SCARB1: variants seen among roughly 807,000 people sequenced by gnomAD.
SCARB1 encodes the protein CD36 and LIMPII analogous 1.
SCARB1 carries 30 observed loss-of-function variants against 57.2 expected under a neutral mutation model. That is an observed-to-expected ratio of 0.52 (90% confidence interval 0.39 to 0.71). The LOEUF (loss-of-function observed/expected upper bound fraction) is 0.71. SCARB1 is among the 30% of genes least tolerant of loss of function. The pLI, the probability that SCARB1 is intolerant of heterozygous loss-of-function variation, is 0.00. For synonymous variants in SCARB1, 249 were observed against 268.3 expected (o/e 0.93, Z 0.70); for missense variants, 543 against 671.2 (o/e 0.81, Z 2.11).
rs934408660 is a variant in SCARB1, at chr12:124,796,056, C to T, written c.1129-788G>A. On this transcript the variant is annotated intron_variant, in intron 8 of 12. Transcript: ENST00000261693. The surrounding 1 kb of genome is among the most constrained non-coding windows in gnomAD (Gnocchi z 4.0). ...GCAACCTCTGCCTCCTGAGTTCAAG[C>T]GATTGTCCTGCCTCAGCCTCCCCAG... 1.3e-5 allele frequency among the ~76,000 whole-genome samples: 2 copies of T among 152,206 alleles called. No individual in the cohort carries two copies. The highest frequency in any genetic ancestry group is 2.1e-4 in the South Asian group (1 of 4,832).
At chr12:124,799,264 C>T (rs1594227753) in intron 8 of SCARB1, among the ~76,000 whole-genome samples, 1 of 152,206 alleles carries the variant, frequency 6.6e-6, no homozygotes, top group East Asian at 1.9e-4. Context: ...GCGGTTCATG[C>T]CTGTAATCCC....
At chr12:124,831,329 G>A (rs982323041) in intron 1 of SCARB1, among the ~76,000 whole-genome samples, 5 of 151,800 alleles carry the variant, frequency 3.3e-5, no homozygotes, top group Non-Finnish European at 7.4e-5. Context: ...CGGCCAGGCT[G>A]AGGTCTCCAA....
At chr12:124,863,482 G>A (rs1049265893) in intron 1 of SCARB1, 113 bp downstream of exon 1, 22 of 1,157,362 alleles carry the variant, frequency 1.9e-5, no homozygotes, top group Non-Finnish European at 2.5e-5. Context: ...CGCCAGGCCC[G>A]GGCGCCGATT....
chr12:124,846,980 A>T (rs959146079), intron 1 of SCARB1, among the ~76,000 whole-genome samples: 1 of 152,140 alleles, frequency 6.6e-6, no homozygotes, highest in Non-Finnish European at 1.5e-5. Context: ...GTGTTTAGGG[A>T]TGGCTATGAG....
intron 1 of SCARB1, among the ~76,000 whole-genome samples, chr12:124,848,484 C>T (rs543109013): frequency 2.6e-5 from 4 of 151,450 alleles, no homozygotes; most frequent in South Asian, 2.1e-4. Context: ...TCCTCGTGGC[C>T]TTCTTGAGTG....
At chr12:124,831,606 G>A (rs58431576) in intron 1 of SCARB1, among the ~76,000 whole-genome samples, 13,404 of 152,004 alleles carry the variant, frequency 0.088, 1,983 homozygotes, top group African/African-American at 0.3. Context: ...CTGGAGAGAC[G>A]TGAGAGGTCT....
At chr12:124,841,244 C>T (rs12424748) in intron 1 of SCARB1, among the ~76,000 whole-genome samples, 9,249 of 152,076 alleles carry the variant, frequency 0.061, 776 homozygotes, top group East Asian at 0.35. Context: ...TGGTGGCGGG[C>T]GCCTGTAGTC....
intron 1 of SCARB1, among the ~76,000 whole-genome samples, chr12:124,850,218 C>T (rs1440361563): frequency 1.3e-5 from 2 of 151,142 alleles, no homozygotes; most frequent in African/African-American, 4.9e-5. Flanking sequence ...ACTAAAAATA[C>T]AAAAATTAGC....
intron 11 of SCARB1, chr12:124,784,070 GAC>G (rs1250733838): frequency 6.6e-6 from 1 of 152,286 alleles, no homozygotes; most frequent in Non-Finnish European, 1.5e-5. Flanking sequence ...GACAGAAGGA[GAC>G]AGAGGGATGA....
rs1950952818 is a variant in SCARB1 at position 124,821,419 on chromosome 12, A to T, written c.127-3712T>A. The T allele has an allele frequency of 4.1e-6, 4 of 985,058 alleles. No homozygotes were observed. The Admixed American group carries it at 1.8e-4, about 46-fold the overall frequency. The allele number at this position is 985,058 out of a possible 1,614,324, so 61.0% of individuals were successfully genotyped here. On this transcript the variant is annotated intron_variant, in intron 1 of 12. Coordinates refer to ENST00000261693, the MANE Select transcript of SCARB1 (RefSeq NM_005505.5). ...CCCCTGGCCGCTTGGCCTGGTTCTG[A>T]AGATGAATCAGGGCTAAACCAAGAA...
intron 1 of SCARB1, among the ~76,000 whole-genome samples, chr12:124,861,992 A>G (rs1172117759): frequency 6.6e-6 from 1 of 150,376 alleles, no homozygotes; most frequent in Non-Finnish European, 1.5e-5. Context: ...TACCTGGCAT[A>G]AGTCCCCACA....
At chr12:124,860,409 T>C (rs1236099711) in intron 1 of SCARB1, among the ~76,000 whole-genome samples, 5 of 152,232 alleles carry the variant, frequency 3.3e-5, no homozygotes, top group South Asian at 4.1e-4. Context: ...TGAGCATCCC[T>C]TTTTTGCAGC....
chr12:124,852,576 C>G (rs771819224), intron 1 of SCARB1, among the ~76,000 whole-genome samples: 17 of 152,228 alleles, frequency 1.1e-4, no homozygotes, highest in Non-Finnish European at 1.8e-4. Flanking sequence ...TGCCTTAGCC[C>G]AAGGTCCTAC....
In SCARB1 at chr12:124,811,906, C is replaced by T. The variant is rs1566181077; in HGVS notation, c.690G>A (p.Arg230=). ...TVFTGVQNIS[R]IHLVDKWNGL... ...CGTTCCACTTGTCCACGAGGTGGAT[C>T]CTGCTGATGTTCTGGACCCCCGTGA... is the stretch of plus-strand genomic sequence containing the variant. The change falls in exon 5 of 13, where the codon AGG becomes AGA. Residue 230 remains arginine (R), a synonymous_variant. Coordinates refer to ENST00000261693, the MANE Select transcript of SCARB1 (RefSeq NM_005505.5). The T allele has an allele frequency of 6.8e-6, 11 of 1,613,328 alleles. No homozygotes were observed. The highest frequency in any genetic ancestry group is 6.8e-6 in the Non-Finnish European group (8 of 1,179,728).
chr12:124,781,728 C>T (rs958340632), intron 12 of SCARB1, among the ~76,000 whole-genome samples: 4 of 151,842 alleles, frequency 2.6e-5, no homozygotes, highest in African/African-American at 9.7e-5. Flanking sequence ...TATTGCTTAC[C>T]AGAAATTCAT....
rs545166977 is a variant in SCARB1 at position 124,842,576 on chromosome 12, A to T, written c.126+21019T>A. 7.9e-5 allele frequency among the ~76,000 whole-genome samples: 12 copies of T among 152,332 alleles called. No homozygotes were observed. In the East Asian group the frequency reaches 1.9e-3, roughly 24 times the overall value. On this transcript the variant is annotated intron_variant, in intron 1 of 12. Transcript: ENST00000261693. ...CTTCATCACACTTATCTGCACTCCC[A>T]AGCCACAGATTACAGCTGTCAGGCC...
chr12:124,800,213 AGT>A lies in SCARB1; in HGVS notation c.1037_1038del (p.His346LeufsTer5). The A allele has an allele frequency of 6.2e-7, 1 of 1,613,818 alleles. No homozygotes were observed. Among genetic ancestry groups the A allele is most frequent in the Non-Finnish European group, 8.5e-7 (1 of 1,179,774 alleles). On this transcript the variant is annotated frameshift_variant, in exon 8 of 13. Transcript: ENST00000261693. LOFTEE classifies it high-confidence loss of function. This position sits in a 1 kb window ranked among gnomAD's most constrained non-coding sequence, Gnocchi z 4.8. ...GCCAGAACCGGGTCAGCGTTGAGGA[AGT>A]GAGGATGGGAGAGAAACAAGGGGGC... ...FSAPLFLSHP[H>X]FLNADPVLAE...
In SCARB1 at chr12:124,827,806, A is replaced by C. The variant is rs1483309588; in HGVS notation, c.127-10099T>G. ...TGCCCCTAAAACTCCTGACCTCCCG[A>C]CCTGCCGTGTTGTTTCCATGCTGCT... On this transcript the variant is annotated intron_variant, in intron 1 of 12. Coordinates refer to ENST00000261693, the MANE Select transcript of SCARB1 (RefSeq NM_005505.5). Among the ~76,000 whole-genome samples the C allele has an allele frequency of 2.0e-5, 3 of 151,912 alleles. No homozygotes were observed. In the East Asian group the frequency reaches 5.8e-4, roughly 29 times the overall value.
intron 1 of SCARB1, among the ~76,000 whole-genome samples, chr12:124,818,904 C>G (rs1950838693): frequency 6.6e-6 from 1 of 152,110 alleles, no homozygotes; most frequent in African/African-American, 2.4e-5. Flanking sequence ...ATCCGTCTGC[C>G]TTGGCCTCCC....
Sources: gnomAD v4.1 joint callset for allele counts (sites outside exome capture counted in the v4.1 genomes callset) on GRCh38, gnomAD v4.1.1 for gene constraint, Gnocchi (gnomAD v3.1) non-coding constraint, MANE v1.5 for transcripts, NCBI Gene and HGNC (gene_info 2026-07-23, HGNC 2026-07-21) for gene names.